Variants in ZZZ3 observed in about 807,000 individuals in gnomAD.
The protein encoded by ZZZ3 is ZZ-type zinc finger-containing protein 3.
In ZZZ3, 22 loss-of-function variants were observed where a neutral mutation model predicts 95.2. That is an observed-to-expected ratio of 0.23 (90% confidence interval 0.17 to 0.33). ZZZ3 has a LOEUF of 0.33. Ranked by LOEUF, ZZZ3 falls within the 10% of genes least tolerant of loss-of-function variation. The pLI is 1.00. For synonymous variants in ZZZ3, 335 were observed against 358.9 expected, an observed-to-expected ratio of 0.93 and a Z score of 0.75; for missense variants, 885 against 1,066.5, an observed-to-expected ratio of 0.83 and a Z score of 2.37.
At chr1:77,638,896 T>C (rs1408735083) in intron 4 of ZZZ3, among the ~76,000 whole-genome samples, 2 of 152,206 alleles carry the variant, frequency 1.3e-5, no homozygotes, top group Non-Finnish European at 2.9e-5. Context: ...ATATCTATAA[T>C]GTTAAAAGTA....
At chr1:77,654,561 C>A (rs1670100456) in intron 1 of ZZZ3, among the ~76,000 whole-genome samples, 1 of 152,128 alleles carries the variant, frequency 6.6e-6, no homozygotes, top group Admixed American at 6.5e-5. Flanking sequence ...GTAAGACTGG[C>A]TTACATGTAC....
chr1:77,618,747 G>A (rs752776696), intron 5 of ZZZ3, among the ~76,000 whole-genome samples: 10 of 152,146 alleles, frequency 6.6e-5, no homozygotes, highest in Non-Finnish European at 1.2e-4. Flanking sequence ...GTCCTTGTTA[G>A]TTTTAAATAG....
intron 9 of ZZZ3, chr1:77,579,838 T>C (rs1662325736): frequency 6.3e-6 from 2 of 319,812 alleles, no homozygotes; most frequent in African/African-American, 2.2e-5. Flanking sequence ...AATAAACTTA[T>C]GAAAGAGCTT....
In ZZZ3 at chr1:77,582,157, G is replaced by A. The variant is rs529524214; in HGVS notation, c.1645-31C>T. On this transcript the variant is annotated intron_variant, in intron 6 of 14. Transcript: ENST00000370801. ...GGCAGGGGAGAAAAAACAAAATAAAGTAAAAGTCTAAATTTAATTAAAGAA... is the reference window on the plus strand; with the variant it reads ...GGCAGGGGAGAAAAAACAAAATAAAATAAAAGTCTAAATTTAATTAAAGAA... 9 of 1,556,682 alleles carry A rather than the reference G, an allele frequency of 5.8e-6. No individual in the cohort carries two copies. The African/African-American group carries it at 9.7e-5, about 17-fold the overall frequency.
chr1:77,605,251 T>C (rs1345833164), intron 5 of ZZZ3, among the ~76,000 whole-genome samples: 1 of 152,202 alleles, frequency 6.6e-6, no homozygotes, highest in Admixed American at 6.5e-5. Flanking sequence ...GCACTCATCA[T>C]GAGACTACAT....
In ZZZ3 at chr1:77,564,839, A is replaced by T. The variant is rs1447870703; in HGVS notation, c.*801T>A. 1 of 152,616 alleles carries T rather than the reference A, an allele frequency of 6.6e-6. No individual in the cohort carries two copies. The highest frequency in any genetic ancestry group is 1.9e-4 in the East Asian group (1 of 5,200). The allele number at this position is 152,616 out of a possible 1,614,324, so 9.5% of individuals were successfully genotyped here. On this transcript the variant is annotated 3_prime_UTR_variant, in exon 15 of 15. Transcript: ENST00000370801. ...CTGACAACTCCAAATACAGAGGCAG[A>T]AGGCTGTGTATTTTAAAGGAATTAA...
Position 77,632,095 on chromosome 1 carries a change from A to T in ZZZ3, c.1260T>A (p.Ser420Arg). Residue 420 changes from serine to arginine, a missense_variant, in exon 5 of 15, where the codon AGT becomes AGA. Ser to Arg is a moderately radical substitution (Grantham distance 110, BLOSUM62 -1). Transcript: ENST00000370801. The part of the protein sequence containing the change: ...LSPNETNATV[S>R]DNVSQSPTNP... ...TTGTAGGAGATTGACTTACATTATC[A>T]CTAACAGTTGCATTTGTTTCATTAG... 1 of 1,614,112 alleles carries T rather than the reference A, an allele frequency of 6.2e-7. No individual in the cohort carries two copies. The highest frequency in any genetic ancestry group is 1.3e-5 in the African/African-American group (1 of 75,066).
chr1:77,587,389 T>C (rs1450334789), intron 5 of ZZZ3, among the ~76,000 whole-genome samples: 2 of 151,216 alleles, frequency 1.3e-5, no homozygotes, highest in African/African-American at 4.9e-5. Flanking sequence ...CTCAGCCTCC[T>C]GAGTAGGTGG....
intron 1 of ZZZ3, among the ~76,000 whole-genome samples, chr1:77,667,712 G>A (rs547759942): frequency 2.0e-5 from 3 of 150,352 alleles, no homozygotes; most frequent in South Asian, 2.1e-4. Flanking sequence ...CTATCAATAA[G>A]TCAAATGATT....
intron 1 of ZZZ3, among the ~76,000 whole-genome samples, chr1:77,643,023 G>A (rs1668925160): frequency 6.6e-6 from 1 of 152,052 alleles, no homozygotes; most frequent in African/African-American, 2.4e-5. Context: ...ACCACCCTGG[G>A]CAACAAAGTG....
rs1027331394 is a variant in ZZZ3 at position 77,563,962 on chromosome 1, G to A, written c.*1678C>T. ...AAAAAAAATTCAGGGTATGATTTTAGTACCCTGCTATGTACTGAAGAGAAC... is the reference window on the plus strand; with the variant it reads ...AAAAAAAATTCAGGGTATGATTTTAATACCCTGCTATGTACTGAAGAGAAC... On this transcript the variant is annotated 3_prime_UTR_variant, in exon 15 of 15. Coordinates refer to ENST00000370801, the MANE Select transcript of ZZZ3 (RefSeq NM_015534.6). 1.3e-5 allele frequency: 2 copies of A among 151,612 alleles called. No individual in the cohort carries two copies. 9.4% of individuals were successfully genotyped at this position (151,612 alleles called of 1,614,324 possible).
intron 1 of ZZZ3, among the ~76,000 whole-genome samples, chr1:77,677,922 C>CA (rs1320950104): frequency 2.0e-5 from 3 of 152,108 alleles, no homozygotes; most frequent in Non-Finnish European, 4.4e-5. Flanking sequence ...AACCAGCTTT[C>CA]AAAATCATTA....
intron 5 of ZZZ3, among the ~76,000 whole-genome samples, chr1:77,610,685 A>G (rs1665705270): frequency 6.6e-6 from 1 of 152,042 alleles, no homozygotes; most frequent in Non-Finnish European, 1.5e-5. Flanking sequence ...GATACATCAT[A>G]TCAACAGAAT....
At chr1:77,613,432 C>G (rs955286101) in intron 5 of ZZZ3, among the ~76,000 whole-genome samples, 6 of 150,896 alleles carry the variant, frequency 4.0e-5, no homozygotes, top group Non-Finnish European at 7.4e-5. Context: ...AAATAAAACT[C>G]ATTATTCTTC....
intron 5 of ZZZ3, among the ~76,000 whole-genome samples, chr1:77,626,794 C>T (rs6678622): frequency 0.29 from 43,545 of 152,074 alleles, 7,976 homozygotes; most frequent in Admixed American, 0.42. Context: ...ATATACCTAC[C>T]GCATTCTAAA....
Position 77,641,559 on chromosome 1 carries a change from G to A in ZZZ3, c.-306C>T, listed in dbSNP as rs1301363921. 1 of 398,022 alleles carries A rather than the reference G, an allele frequency of 2.5e-6. No homozygotes were observed. The highest frequency in any genetic ancestry group is 2.1e-5 in the African/African-American group (1 of 48,558). 24.7% of individuals were successfully genotyped at this position (398,022 alleles called of 1,614,324 possible). ...GTTTTGCCTAGTATTTGATCCCCAT[G>A]CGTCTGTATTTATCTGTCATCACTG... On this transcript the variant is annotated 5_prime_UTR_variant, in exon 2 of 15. Transcript: ENST00000370801.
At chr1:77,654,024 T>A (rs766749998) in intron 1 of ZZZ3, among the ~76,000 whole-genome samples, 5 of 151,350 alleles carry the variant, frequency 3.3e-5, no homozygotes, top group Non-Finnish European at 7.4e-5. Context: ...CCGTCTCTAC[T>A]AAAAATACAA....
rs975601614 is a variant in ZZZ3, at chr1:77,616,700, T to C, written c.1505+15150A>G. On this transcript the variant is annotated intron_variant, in intron 5 of 14. Coordinates refer to ENST00000370801, the MANE Select transcript of ZZZ3 (RefSeq NM_015534.6). ...CAATATGGTGAAACCCCATCTCTAC[T>C]AAAACAAATACAAAAATTAGCCGGG... Among the ~76,000 whole-genome samples, 6 of 152,080 alleles carry C rather than the reference T, an allele frequency of 3.9e-5. No homozygotes were observed. The East Asian group carries it at 1.2e-3, about 29-fold the overall frequency.
At chr1:77,623,468 T>C (rs962582413) in intron 5 of ZZZ3, among the ~76,000 whole-genome samples, 1 of 152,162 alleles carries the variant, frequency 6.6e-6, no homozygotes, top group East Asian at 1.9e-4. Flanking sequence ...GAAACATTCA[T>C]GATTCTATCA....
Sources: allele counts gnomAD v4.1 joint callset (sites outside exome capture counted in the v4.1 genomes callset), GRCh38; gene constraint gnomAD v4.1.1; transcripts MANE v1.5; gene names NCBI Gene and HGNC (gene_info 2026-07-23, HGNC 2026-07-21).